Variants in FOXN3 observed in about 807,000 individuals in gnomAD.
FOXN3 encodes forkhead box protein N3.
A neutral mutation model predicts 38.4 loss-of-function variants in FOXN3; 7 were observed. That is an observed-to-expected ratio of 0.18 (90% CI 0.10 to 0.34). The LOEUF is 0.34. Ranked by LOEUF, FOXN3 falls within the 10% of genes least tolerant of loss-of-function variation. The pLI, the probability that FOXN3 is intolerant of heterozygous loss-of-function variation, is 1.00. For synonymous variants in FOXN3, 230 were observed against 242.2 expected (o/e 0.95, Z 0.47); for missense variants, 456 against 613.4 (o/e 0.74, Z 2.71).
At chr14:89,168,730 G>C (rs1005287185) in intron 5 of FOXN3, among the ~76,000 whole-genome samples, 11 of 152,174 alleles carry the variant, frequency 7.2e-5, no homozygotes, top group Middle Eastern at 3.2e-3. Context: ...TTCTAGTTTT[G>C]ATGACGGTAC....
intron 2 of FOXN3, among the ~76,000 whole-genome samples, chr14:89,383,948 C>G (rs768155456): frequency 1.1e-4 from 16 of 151,574 alleles, no homozygotes; most frequent in Non-Finnish European, 1.6e-4. Flanking sequence ...CACCACCATG[C>G]CCAGCTAAAA....
At chr14:89,286,653 TG>T (rs1318846676) in intron 3 of FOXN3, among the ~76,000 whole-genome samples, 1 of 152,206 alleles carries the variant, frequency 6.6e-6, no homozygotes, top group Non-Finnish European at 1.5e-5. Flanking sequence ...TCCATTGTTT[TG>T]CCTTATAACT....
At chr14:89,382,709 C>G (rs1890682223) in intron 2 of FOXN3, among the ~76,000 whole-genome samples, 1 of 152,198 alleles carries the variant, frequency 6.6e-6, no homozygotes, top group Non-Finnish European at 1.5e-5. Context: ...GTTTCCTCAT[C>G]CATAAAATGG....
chr14:89,199,545 T>C (rs1357409723), intron 4 of FOXN3, among the ~76,000 whole-genome samples: 1 of 151,926 alleles, frequency 6.6e-6, no homozygotes, highest in Non-Finnish European at 1.5e-5. Flanking sequence ...GAACAAAAGA[T>C]GATCTAATTA....
chr14:89,315,122 G>A (rs991577184), intron 3 of FOXN3, among the ~76,000 whole-genome samples: 1 of 151,908 alleles, frequency 6.6e-6, no homozygotes, highest in East Asian at 1.9e-4. Context: ...AAGAGAAGGG[G>A]GTGATAAATG....
At chr14:89,411,871 A>G in intron 2 of FOXN3, 63 bp downstream of exon 2, 1 of 1,105,576 alleles carries the variant, frequency 9.0e-7, no homozygotes, top group Non-Finnish European at 1.2e-6. Flanking sequence ...CATTTTTAAT[A>G]GAGAAAAATT....
intron 4 of FOXN3, among the ~76,000 whole-genome samples, chr14:89,230,463 G>GGAT (rs1224040698): frequency 6.6e-6 from 1 of 152,142 alleles, no homozygotes; most frequent in Non-Finnish European, 1.5e-5. Flanking sequence ...ATCTCTGTGG[G>GGAT]GATCATTTTC....
intron 1 of FOXN3, among the ~76,000 whole-genome samples, chr14:89,413,801 A>G (rs1367788518): frequency 7.2e-6 from 1 of 138,274 alleles, no homozygotes; most frequent in Non-Finnish European, 1.6e-5. Flanking sequence ...GAAAGAAGAA[A>G]GGAAGGGAAA....
rs1163322013 is a variant in FOXN3 at position 89,461,743 on chromosome 14, G to A, written c.-14-49253C>T. Among the ~76,000 whole-genome samples, 3 of 152,182 alleles carry A rather than the reference G, an allele frequency of 2.0e-5. 1 individual carries two copies. The highest frequency in any genetic ancestry group is 2.9e-5 in the Non-Finnish European group (2 of 68,024). ...CCCAGAGCTGGTGTAGTCAGGAGGA[G>A]CATCCAGGGGCAACGATCTGGACAG... On this transcript the variant is annotated intron_variant, in intron 1 of 6. Transcript: ENST00000345097.
In FOXN3 at chr14:89,441,619, G is replaced by A. The variant is rs144642881; in HGVS notation, c.-14-29129C>T. ...AAGGGCATCATCCTTCCGCAGGGTTGGACCAAGGGCTACCAGATTGGGGTA... is the reference window on the plus strand; with the variant it reads ...AAGGGCATCATCCTTCCGCAGGGTTAGACCAAGGGCTACCAGATTGGGGTA... On this transcript the variant is annotated intron_variant, in intron 1 of 6. Coordinates refer to the FOXN3 transcript ENST00000345097. Among the ~76,000 whole-genome samples, 5 of 152,308 alleles carry A rather than the reference G, an allele frequency of 3.3e-5. 1 individual carries two copies. The East Asian group carries it at 9.6e-4, about 29-fold the overall frequency.
chr14:89,456,243 C>A (rs1425930558), intron 1 of FOXN3, among the ~76,000 whole-genome samples: 3 of 151,046 alleles, frequency 2.0e-5, no homozygotes, highest in East Asian at 1.9e-4. Flanking sequence ...GTGGGCCCTG[C>A]AGGTTCAAGG....
At chr14:89,397,422 C>T (rs1027991129) in intron 2 of FOXN3, among the ~76,000 whole-genome samples, 4 of 147,808 alleles carry the variant, frequency 2.7e-5, no homozygotes, top group Admixed American at 6.8e-5. Context: ...ACATGTACCC[C>T]CAAACCTAAA....
Position 89,292,588 on chromosome 14 carries a change from AC to A in FOXN3, c.681-11575del, listed in dbSNP as rs547003496. 4.6e-5 allele frequency among the ~76,000 whole-genome samples: 7 copies of A among 151,852 alleles called. No individual in the cohort carries two copies. In the East Asian group the frequency reaches 1.4e-3, roughly 29 times the overall value. ...ATAAAGGGGCTTAAAGGAGGGAGCCACCCCCCTTTTCTGCCTTCTGCCATGT... is the reference window on the plus strand; with the variant it reads ...ATAAAGGGGCTTAAAGGAGGGAGCCACCCCCTTTTCTGCCTTCTGCCATGT... On this transcript the variant is annotated intron_variant, in intron 3 of 5. Transcript: ENST00000557258.
At chr14:89,476,133 G>A (rs1028966697) in intron 1 of FOXN3, among the ~76,000 whole-genome samples, 9 of 152,204 alleles carry the variant, frequency 5.9e-5, no homozygotes, top group East Asian at 1.9e-4. Context: ...TCTTGCTCTC[G>A]GATGTTTGCA....
chr14:89,313,473 G>A (rs542764795), intron 3 of FOXN3, among the ~76,000 whole-genome samples: 3 of 152,008 alleles, frequency 2.0e-5, no homozygotes, highest in East Asian at 3.9e-4. Flanking sequence ...CAGGGGAATC[G>A]CTTGAACCTG....
intron 3 of FOXN3, among the ~76,000 whole-genome samples, chr14:89,297,578 T>TA (rs1786424017): frequency 6.9e-6 from 1 of 145,110 alleles, no homozygotes; most frequent in African/African-American, 2.5e-5. Context: ...AAAAAAAAAT[T>TA]AAACATAGGA....
chr14:89,260,613 G>A (rs1021482651), intron 4 of FOXN3, among the ~76,000 whole-genome samples: 5 of 152,186 alleles, frequency 3.3e-5, no homozygotes, highest in African/African-American at 7.2e-5. Flanking sequence ...TTTCTTTCAC[G>A]TAACAGCTTA....
At chr14:89,562,108 A>G (rs541097320) in intron 1 of FOXN3, among the ~76,000 whole-genome samples, 57 of 152,288 alleles carry the variant, frequency 3.7e-4, no homozygotes, top group African/African-American at 1.3e-3. Context: ...GAATTCAACA[A>G]TTTTGCTAAT....
chr14:89,431,222 A>G (rs1892149259), intron 1 of FOXN3, among the ~76,000 whole-genome samples: 1 of 151,912 alleles, frequency 6.6e-6, no homozygotes, highest in Admixed American at 6.6e-5. Context: ...TTTGAGACAG[A>G]GTCTCTCTCT....
Sources: gnomAD v4.1 joint callset for allele counts (sites outside exome capture counted in the v4.1 genomes callset) on GRCh38, gnomAD v4.1.1 for gene constraint, MANE v1.5 for transcripts, NCBI Gene and HGNC (gene_info 2026-07-23, HGNC 2026-07-21) for gene names.